Variants in UGGT2 observed in about 807,000 individuals in gnomAD.
UGGT2 encodes the protein UDP-glucose glycoprotein glucosyltransferase 2.
Under a neutral mutation model 192.1 loss-of-function variants are expected in UGGT2, and 180 were observed. The ratio of observed to expected loss-of-function variants is 0.94; its 90% CI spans 0.83 to 1.06. The LOEUF (loss-of-function observed/expected upper bound fraction) is 1.06, where lower values mean the gene tolerates loss of function less well. Among genes scored for constraint, UGGT2 ranks in the 50% least tolerant of loss-of-function variants. The pLI, the probability that UGGT2 is intolerant of heterozygous loss-of-function variation, is 0.00. For missense variants in UGGT2, 1,849 were observed against 1,795.7 expected, an observed-to-expected ratio of 1.03 and a Z score of -0.54; for synonymous variants, 580 against 591.0, an observed-to-expected ratio of 0.98 and a Z score of 0.27.
chr13:96,020,313 C>T (rs1015683381), intron 4 of UGGT2, among the ~76,000 whole-genome samples: 2 of 152,006 alleles, frequency 1.3e-5, no homozygotes, highest in African/African-American at 4.8e-5. Flanking sequence ...AGGCAGGTGG[C>T]ACTATTGTAC....
intron 38 of UGGT2, among the ~76,000 whole-genome samples, chr13:95,804,962 T>A (rs550258350): frequency 6.6e-6 from 1 of 152,222 alleles, no homozygotes; most frequent in East Asian, 1.9e-4. Flanking sequence ...TAAAAACCTT[T>A]GTGTATCAAA....
intron 1 of UGGT2, among the ~76,000 whole-genome samples, chr13:96,040,816 T>C (rs1187283092): frequency 1.3e-5 from 2 of 152,086 alleles, no homozygotes; most frequent in Non-Finnish European, 2.9e-5. Context: ...ACACAGCAGT[T>C]CCAACTCTAA....
At chr13:95,820,795 C>T (rs1216390008) in intron 38 of UGGT2, among the ~76,000 whole-genome samples, 1 of 151,928 alleles carries the variant, frequency 6.6e-6, no homozygotes, top group Admixed American at 6.6e-5. Flanking sequence ...TCCATTATAT[C>T]ACTGTACATC....
At chr13:95,928,411 G>A (rs1025083117) in intron 17 of UGGT2, among the ~76,000 whole-genome samples, 9 of 151,616 alleles carry the variant, frequency 5.9e-5, no homozygotes, top group Non-Finnish European at 1.0e-4. Context: ...GGCGGCTGCC[G>A]GGCGGAGGGG....
At chr13:95,875,244 GTGTC>G (rs1891574557) in intron 29 of UGGT2, among the ~76,000 whole-genome samples, 1 of 152,128 alleles carries the variant, frequency 6.6e-6, no homozygotes, top group Admixed American at 6.5e-5. Flanking sequence ...CTTTGGTAGA[GTGTC>G]TGTTCAAGTC....
chr13:96,038,295 T>G (rs1000835906), intron 1 of UGGT2, among the ~76,000 whole-genome samples: 2 of 152,212 alleles, frequency 1.3e-5, no homozygotes, highest in Admixed American at 6.5e-5. Context: ...AAGCTCACCT[T>G]TTAACAACAG....
At chr13:95,956,742 G>A (rs183084202) in intron 12 of UGGT2, among the ~76,000 whole-genome samples, 17 of 152,320 alleles carry the variant, frequency 1.1e-4, no homozygotes, top group Middle Eastern at 3.4e-3. Flanking sequence ...GACAAATGAT[G>A]TAACAGCTGT....
chr13:95,912,313 G>A (rs889688505), intron 20 of UGGT2, among the ~76,000 whole-genome samples: 14 of 152,144 alleles, frequency 9.2e-5, no homozygotes, highest in African/African-American at 2.9e-4. Context: ...GTTTGCAGAT[G>A]ACATGATTGT....
chr13:95,965,934 A>G (rs1010187449), intron 12 of UGGT2, among the ~76,000 whole-genome samples: 1 of 152,154 alleles, frequency 6.6e-6, no homozygotes, highest in African/African-American at 2.4e-5. Flanking sequence ...ACTCTTATAG[A>G]TAGTTGCTGG....
intron 24 of UGGT2, among the ~76,000 whole-genome samples, chr13:95,893,825 T>C (rs192653104): frequency 1.3e-5 from 2 of 152,292 alleles, no homozygotes; most frequent in East Asian, 1.9e-4. Context: ...GGCATAGAAA[T>C]CACATATGAT....
At position 95,850,336 on chromosome 13, in the gene UGGT2, T is replaced by C. The variant is rs1888914781; in HGVS notation, c.4284+3207A>G. Among the ~76,000 whole-genome samples the C allele has an allele frequency of 2.6e-5, 4 of 151,898 alleles. No homozygotes were observed. The South Asian group carries it at 6.2e-4, about 24-fold the overall frequency. On this transcript the variant is annotated intron_variant, in intron 36 of 38. Transcript: ENST00000376747. ...GGTCAGAGGCCAAGAAATAGAAAAA[T>C]AGGAGGATTAAGGGCAAGAAATTCT...
intron 38 of UGGT2, among the ~76,000 whole-genome samples, chr13:95,819,628 C>T (rs1885290643): frequency 1.3e-5 from 2 of 151,884 alleles, no homozygotes; most frequent in South Asian, 4.2e-4. Flanking sequence ...TATTAGGCCA[C>T]AAAGAAAACA....
In UGGT2 at chr13:95,902,903, A is replaced by G. The variant is rs1034395257; in HGVS notation, c.2453T>C (p.Ile818Thr). 1 of 1,613,508 alleles carries G rather than the reference A, an allele frequency of 6.2e-7. No individual in the cohort carries two copies. The highest frequency in any genetic ancestry group is 8.5e-7 in the Non-Finnish European group (1 of 1,179,622). The change falls in exon 21 of 39, where the codon ATT (isoleucine) becomes ACT (threonine). Residue 818 changes from isoleucine to threonine, a missense_variant. By Grantham distance (89) the Ile-to-Thr change is moderately conservative. Transcript: ENST00000376747. ...ATCTCCAGAGTAAATAGCTGTAGCAATTTCTTCCTTTGCCAGTTGCCCAAG... is the reference window on the plus strand; with the variant it reads ...ATCTCCAGAGTAAATAGCTGTAGCAGTTTCTTCCTTTGCCAGTTGCCCAAG... ...SFLGQLAKEE[I>T]ATAIYSGDKI...
At chr13:95,859,824 T>C in intron 32 of UGGT2, 149 bp from the exon 33 acceptor site, 2 of 513,916 alleles carry the variant, frequency 3.9e-6, no homozygotes, top group Non-Finnish European at 6.8e-6. Context: ...CATACAGGTT[T>C]GTTACATAGG....
intron 16 of UGGT2, among the ~76,000 whole-genome samples, chr13:95,937,462 G>GT (rs1185651827): frequency 1.3e-5 from 2 of 152,156 alleles, no homozygotes. Context: ...TTGGTATAGA[G>GT]TATGACATTA....
At chr13:95,999,364 T>G (rs544095731) in intron 5 of UGGT2, 57 bp from the exon 6 acceptor site, 222 of 1,468,486 alleles carry the variant, frequency 1.5e-4, no homozygotes, top group Non-Finnish European at 1.9e-4. Context: ...ACATTTTGTT[T>G]TAAAGTCAGT....
intron 5 of UGGT2, among the ~76,000 whole-genome samples, chr13:96,000,014 T>C (rs1431167710): frequency 6.6e-6 from 1 of 152,222 alleles, no homozygotes; most frequent in Non-Finnish European, 1.5e-5. Context: ...GAAGTCACCA[T>C]ATTTTATTCA....
intron 12 of UGGT2, among the ~76,000 whole-genome samples, chr13:95,958,401 T>TA (rs1365227730): frequency 6.6e-6 from 1 of 152,164 alleles, no homozygotes. Context: ...TCCACCCGCC[T>TA]AGGCCTCCCA....
chr13:96,036,172 G>A (rs972104381), intron 1 of UGGT2, among the ~76,000 whole-genome samples: 3 of 152,174 alleles, frequency 2.0e-5, no homozygotes, highest in African/African-American at 7.2e-5. Context: ...ATCAATGATA[G>A]ACTGAATAAA....
Sources: gnomAD v4.1 joint callset for allele counts (sites outside exome capture counted in the v4.1 genomes callset) on GRCh38, gnomAD v4.1.1 for gene constraint, MANE v1.5 for transcripts, NCBI Gene and HGNC (gene_info 2026-07-23, HGNC 2026-07-21) for gene names.